The following SLC35B4 variants were observed in gnomAD, a reference collection of about 807,000 sequenced individuals.
SLC35B4 encodes solute carrier family 35 member B4.
Under a neutral mutation model 39.5 loss-of-function variants are expected in SLC35B4, and 28 were observed. The ratio of observed to expected loss-of-function variants is 0.71; its 90% CI spans 0.53 to 0.97. The LOEUF (loss-of-function observed/expected upper bound fraction) is 0.97, where lower values mean the gene tolerates loss of function less well. Ranked by LOEUF, SLC35B4 falls within the 50% of genes least tolerant of loss-of-function variation. The pLI, the probability that SLC35B4 is intolerant of heterozygous loss-of-function variation, is 0.00. For missense variants in SLC35B4, 334 were observed against 414.3 expected (o/e 0.81, Z 1.68); for synonymous variants, 145 against 150.4 (o/e 0.96, Z 0.26).
chr7:134,310,351 T>A (rs754606308), intron 1 of SLC35B4, among the ~76,000 whole-genome samples: 1 of 152,100 alleles, frequency 6.6e-6, no homozygotes, highest in Non-Finnish European at 1.5e-5. Context: ...GTTAAAAACT[T>A]CCTCCTGACA....
chr7:134,301,480 G>A (rs1053569376), intron 6 of SLC35B4, among the ~76,000 whole-genome samples: 1 of 152,188 alleles, frequency 6.6e-6, no homozygotes, highest in African/African-American at 2.4e-5. Flanking sequence ...GACATTCAAA[G>A]GATGTGATGT....
chr7:134,308,627 G>A (rs1803765225), intron 2 of SLC35B4, among the ~76,000 whole-genome samples: 1 of 152,146 alleles, frequency 6.6e-6, no homozygotes, highest in Non-Finnish European at 1.5e-5. Context: ...CTTCATACTT[G>A]GATATATTCA....
intron 6 of SLC35B4, among the ~76,000 whole-genome samples, chr7:134,301,475 T>C (rs936390379): frequency 4.6e-5 from 7 of 152,212 alleles, no homozygotes; most frequent in Non-Finnish European, 7.3e-5. Flanking sequence ...CGGATGACAT[T>C]CAAAGGATGT....
intron 8 of SLC35B4, among the ~76,000 whole-genome samples, chr7:134,297,893 AC>A (rs1803502257): frequency 6.6e-6 from 1 of 152,100 alleles, no homozygotes; most frequent in South Asian, 2.1e-4. Context: ...AGACACATAC[AC>A]ACACACACTC....
In SLC35B4 at chr7:134,316,665, G is replaced by A; in HGVS notation, c.77+10C>T. On this transcript the variant is annotated intron_variant, in intron 1 of 9. Transcript: ENST00000378509. ...CGGGAGACCGGGTGCGGCCCGAGCG[G>A]GTCACTCACCGGGCCAGGAGCTCTA... The A allele has an allele frequency of 6.5e-7, 1 of 1,549,714 alleles. No homozygotes were observed. The highest frequency in any genetic ancestry group is 8.7e-7 in the Non-Finnish European group (1 of 1,146,600).
intron 2 of SLC35B4, among the ~76,000 whole-genome samples, chr7:134,308,212 G>C (rs893678114): frequency 3.9e-5 from 6 of 152,200 alleles, no homozygotes; most frequent in African/African-American, 1.2e-4. Flanking sequence ...GGTAACCACA[G>C]AGTGGGGCGA....
intron 2 of SLC35B4, among the ~76,000 whole-genome samples, chr7:134,307,876 C>A (rs1024902739): frequency 1.3e-5 from 2 of 152,222 alleles, no homozygotes; most frequent in African/African-American, 4.8e-5. Context: ...TTACCAGCAA[C>A]AGCTTCTTCA....
At chr7:134,317,039 G>T, upstream of SLC35B4, 2 of 400,638 alleles carry the variant, frequency 5.0e-6, no homozygotes, top group Non-Finnish European at 9.0e-6. Flanking sequence ...AGGATGCGAC[G>T]TTCCCGCTTC....
At chr7:134,295,279 A>T in intron 9 of SLC35B4, 200 bp from the exon 10 acceptor site, 3 of 575,496 alleles carry the variant, frequency 5.2e-6, no homozygotes, top group Non-Finnish European at 9.0e-6. Context: ...TACCAATTTG[A>T]AACCGCCAAA....
In SLC35B4 at chr7:134,292,655, C is replaced by T. The variant is rs1803358477; in HGVS notation, c.*2178G>A. ...GACTCCAGATCCATAGCAATGAAGTCGCCTCTAGGGACAGGTTCTTCTATT... is the reference window on the plus strand; with the variant it reads ...GACTCCAGATCCATAGCAATGAAGTTGCCTCTAGGGACAGGTTCTTCTATT... On this transcript the variant is annotated 3_prime_UTR_variant, in exon 10 of 10. Coordinates refer to ENST00000378509, the MANE Select transcript of SLC35B4 (RefSeq NM_032826.5). 1 of 152,146 alleles carries T rather than the reference C, an allele frequency of 6.6e-6. No homozygotes were observed. The highest frequency in any genetic ancestry group is 1.5e-5 in the Non-Finnish European group (1 of 68,030). The allele number at this position is 152,146 out of a possible 1,614,324, so 9.4% of individuals were successfully genotyped here. A position where few individuals can be genotyped will look rare whatever the true frequency, so the allele number is the denominator to read the frequency against.
intron 8 of SLC35B4, among the ~76,000 whole-genome samples, chr7:134,298,201 A>C (rs1421313618): frequency 6.6e-6 from 1 of 152,226 alleles, no homozygotes; most frequent in Admixed American, 6.5e-5. Flanking sequence ...GGCAATGCCA[A>C]TAATCTGGTA....
chr7:134,312,665 T>C (rs1803872207), intron 1 of SLC35B4, among the ~76,000 whole-genome samples: 1 of 152,228 alleles, frequency 6.6e-6, no homozygotes, highest in Non-Finnish European at 1.5e-5. Flanking sequence ...ATGATTCACA[T>C]GACATGTGTA....
Position 134,302,054 on chromosome 7 carries a change from C to T in SLC35B4, c.401G>A (p.Cys134Tyr), listed in dbSNP as rs1207746388. The part of the protein sequence containing the change: ...IALVSVGIFI[C>Y]TFMSAKQVTS... ...CACCTGCTTTGCTGACATAAAAGTG[C>T]AAATAAATATCCCCACAGACACCAG... The change falls in exon 5 of 10, where the codon TGC (cysteine) becomes TAC (tyrosine). Residue 134 changes from cysteine (C) to tyrosine (Y), a missense_variant. Physicochemically the swap from Cys to Tyr is radical, Grantham distance 194. Transcript: ENST00000378509. 1.2e-6 allele frequency: 2 copies of T among 1,613,654 alleles called. No individual in the cohort carries two copies. Among genetic ancestry groups the T allele is most frequent in the Non-Finnish European group, 1.7e-6 (2 of 1,179,894 alleles).
At chr7:134,295,558 T>C (rs1803444578) in intron 9 of SLC35B4, among the ~76,000 whole-genome samples, 1 of 152,212 alleles carries the variant, frequency 6.6e-6, no homozygotes, top group Non-Finnish European at 1.5e-5. Flanking sequence ...GAAATAACCA[T>C]TTTAAAAAAC....
At position 134,306,788 on chromosome 7, in the gene SLC35B4, A is replaced by C; in HGVS notation, c.192-14T>G. On this transcript the variant is annotated splice_polypyrimidine_tract_variant and intron_variant, in intron 2 of 9. Transcript: ENST00000378509. ...ATGGCATAGTACCTGAAATGCAGAC[A>C]GAACAGCTCATCAAACAGAATCTAG... 1.3e-6 allele frequency: 2 copies of C among 1,581,162 alleles called. No individual in the cohort carries two copies. Among genetic ancestry groups the C allele is most frequent in the Non-Finnish European group, 1.7e-6 (2 of 1,154,222 alleles).
rs372712680 is a variant in SLC35B4, at chr7:134,296,180, C to T, written c.749+211G>A. Among the ~76,000 whole-genome samples, 6 of 152,186 alleles carry T rather than the reference C, an allele frequency of 3.9e-5. No individual in the cohort carries two copies. The South Asian group carries it at 1.2e-3, about 31-fold the overall frequency. On this transcript the variant is annotated intron_variant, in intron 9 of 9. Transcript: ENST00000378509. ...CCACTCAGAGCACTTCCTCCTGCTG[C>T]CCTGTGCCTTACTGACCTACTACAC...
chr7:134,306,472 G>T (rs140990117), intron 3 of SLC35B4, among the ~76,000 whole-genome samples, 200 bp downstream of exon 3: 2 of 151,636 alleles, frequency 1.3e-5, no homozygotes, highest in African/African-American at 4.9e-5. Context: ...GACCTCAGAA[G>T]AATAAAAGTA....
chr7:134,302,110 T>G lies in SLC35B4; in HGVS notation c.345A>C (p.Arg115Ser). The G allele has an allele frequency of 6.2e-7, 1 of 1,604,146 alleles. No homozygotes were observed. Among genetic ancestry groups the G allele is most frequent in the Non-Finnish European group, 8.5e-7 (1 of 1,177,586 alleles). ...MILGIIILKK[R>S]YSIFKYTSIA... is the part of the protein sequence containing the mutation. ...TGGAGGTATATTTGAATATACTGTATCTGCAAAAAAGAAAAAAAAGAAGAA... is the reference window on the plus strand; with the variant it reads ...TGGAGGTATATTTGAATATACTGTAGCTGCAAAAAAGAAAAAAAAGAAGAA... The change falls in exon 5 of 10, where the codon AGA becomes AGC. Residue 115 changes from arginine to serine, a missense_variant and splice_region_variant. Physicochemically the swap from Arg to Ser is moderately radical, Grantham distance 110 (BLOSUM62 -1). Coordinates refer to ENST00000378509, the MANE Select transcript of SLC35B4 (RefSeq NM_032826.5).
rs767054050 is a variant in SLC35B4 at position 134,294,784 on chromosome 7, C to T, written c.*49G>A. ...AAGCGAAACGGTGGTCAGACCTTCACAGGGTCCCACCCTCACGACGACACT... is the reference window on the plus strand; with the variant it reads ...AAGCGAAACGGTGGTCAGACCTTCATAGGGTCCCACCCTCACGACGACACT... On this transcript the variant is annotated 3_prime_UTR_variant, in exon 10 of 10. Coordinates refer to ENST00000378509, the MANE Select transcript of SLC35B4 (RefSeq NM_032826.5). The T allele has an allele frequency of 5.0e-6, 8 of 1,598,716 alleles. No homozygotes were observed. The highest frequency in any genetic ancestry group is 6.8e-6 in the Non-Finnish European group (8 of 1,170,096).
Sources: allele counts gnomAD v4.1 joint callset (sites outside exome capture counted in the v4.1 genomes callset), GRCh38; gene constraint gnomAD v4.1.1; transcripts MANE v1.5; gene names NCBI Gene and HGNC (gene_info 2026-07-23, HGNC 2026-07-21).